GALNT13: variants seen among roughly 807,000 people sequenced by gnomAD.
GALNT13 encodes UDP-GalNAc:polypeptide N-acetylgalactosaminyltransferase 13.
A neutral mutation model predicts 64.2 loss-of-function variants in GALNT13; 28 were observed. The observed-to-expected ratio is 0.44, with a 90% CI of 0.32 to 0.60. The LOEUF (loss-of-function observed/expected upper bound fraction) is 0.60, where lower values mean the gene tolerates loss of function less well. Among genes scored for constraint, GALNT13 ranks in the 20% least tolerant of loss-of-function variants. The probability of loss-of-function intolerance (pLI) is 0.05; values close to 1 mark genes in which losing one functional copy is unlikely to be tolerated. For synonymous variants in GALNT13, 214 were observed against 224.6 expected (o/e 0.95, Z 0.42); for missense variants, 577 against 669.8 (o/e 0.86, Z 1.53).
rs547992646 is a variant in GALNT13, at chr2:154,066,841, G to A, written c.143-73496G>A. Among the ~76,000 whole-genome samples the A allele has an allele frequency of 8.6e-5, 13 of 151,946 alleles. No individual in the cohort carries two copies. In the East Asian group the frequency reaches 2.5e-3, roughly 29 times the overall value. On this transcript the variant is annotated intron_variant, in intron 3 of 12. Coordinates refer to ENST00000392825, the MANE Select transcript of GALNT13 (RefSeq NM_052917.4). Reference sequence around the variant, plus strand: ...AGCACACAGAAAAACACAGACTATTGTAACACTTTAATTGTGGTATATCAA... The same window carrying A: ...AGCACACAGAAAAACACAGACTATTATAACACTTTAATTGTGGTATATCAA...
At chr2:154,013,870 G>C (rs554973422) in intron 3 of GALNT13, among the ~76,000 whole-genome samples, 6 of 152,168 alleles carry the variant, frequency 3.9e-5, no homozygotes, top group Non-Finnish European at 8.8e-5. Context: ...GTGAGAAGAG[G>C]CTGTGGGTGG....
At chr2:154,369,644 G>A (rs1459921846) in intron 9 of GALNT13, among the ~76,000 whole-genome samples, 1 of 152,110 alleles carries the variant, frequency 6.6e-6, no homozygotes, top group East Asian at 1.9e-4. Flanking sequence ...TCCTCTTAAA[G>A]TGCCACAGTA....
At chr2:154,091,157 G>T (rs1453134507) in intron 3 of GALNT13, among the ~76,000 whole-genome samples, 1 of 151,918 alleles carries the variant, frequency 6.6e-6, no homozygotes, top group Non-Finnish European at 1.5e-5. Context: ...TTTGATGAAG[G>T]CTCTTACAAT....
At chr2:153,731,165 A>G in the GALNT13 span, among the ~76,000 whole-genome samples, 2 of 151,198 alleles carry the variant, frequency 1.3e-5, no homozygotes, top group Non-Finnish European at 2.9e-5. Context: ...TATGTGATGT[A>G]TTATATAAAA....
chr2:153,785,044 T>C, the GALNT13 span, among the ~76,000 whole-genome samples: 6 of 151,996 alleles, frequency 3.9e-5, no homozygotes, highest in African/African-American at 1.4e-4. Flanking sequence ...ACAACCACCC[T>C]CATCAATTTT....
In GALNT13 at chr2:154,301,397, TC is replaced by T. The variant is rs1428368452; in HGVS notation, c.976-10del. On this transcript the variant is annotated splice_polypyrimidine_tract_variant and intron_variant, in intron 8 of 12. Coordinates refer to ENST00000392825, the MANE Select transcript of GALNT13 (RefSeq NM_052917.4). ...TTATTGCATTATTTACAATGATTGT[TC>T]CTTTTCCCAGATTTGGCAATGTGGA... 1 of 1,607,380 alleles carries T rather than the reference TC, an allele frequency of 6.2e-7. No individual in the cohort carries two copies. Among genetic ancestry groups the T allele is most frequent in the Non-Finnish European group, 8.5e-7 (1 of 1,174,912 alleles).
At chr2:153,094,418 C>T in the GALNT13 span, among the ~76,000 whole-genome samples, 1 of 152,160 alleles carries the variant, frequency 6.6e-6, no homozygotes, top group African/African-American at 2.4e-5. Flanking sequence ...ACATTCCATG[C>T]TCATGGATAG....
the GALNT13 span, among the ~76,000 whole-genome samples, chr2:153,854,911 A>C: frequency 6.6e-6 from 1 of 152,200 alleles, no homozygotes; most frequent in East Asian, 1.9e-4. Context: ...AAACATTATC[A>C]TTCTACATTA....
the GALNT13 span, among the ~76,000 whole-genome samples, chr2:153,291,314 T>A: frequency 6.6e-6 from 1 of 152,204 alleles, no homozygotes; most frequent in South Asian, 2.1e-4. Flanking sequence ...AGTAGAGCAA[T>A]GTTCATATAA....
chr2:154,180,987 G>C (rs1028234793), intron 4 of GALNT13, among the ~76,000 whole-genome samples: 1 of 152,116 alleles, frequency 6.6e-6, no homozygotes, highest in South Asian at 2.1e-4. Flanking sequence ...CACAGCCACC[G>C]GTGAGTGGTA....
chr2:154,430,611 G>A (rs966636948), intron 11 of GALNT13, among the ~76,000 whole-genome samples: 2 of 152,134 alleles, frequency 1.3e-5, no homozygotes, highest in Non-Finnish European at 2.9e-5. Context: ...AACTCAAGTC[G>A]ATAAAGCAGT....
At chr2:153,935,813 A>G (rs748896669) in intron 2 of GALNT13, among the ~76,000 whole-genome samples, 44 of 151,984 alleles carry the variant, frequency 2.9e-4, no homozygotes, top group Non-Finnish European at 1.6e-4. Flanking sequence ...GCATTAATTA[A>G]CCCATCCTCT....
At position 154,248,998 on chromosome 2, in the gene GALNT13, G is replaced by A. The variant is rs16836348; in HGVS notation, c.857+3016G>A. Among the ~76,000 whole-genome samples the A allele has an allele frequency of 7.5e-3, 1,143 of 152,170 alleles. 19 individuals are homozygous for A. The highest frequency in any genetic ancestry group is 0.025 in the African/African-American group (1,042 of 41,530). On this transcript the variant is annotated intron_variant, in intron 7 of 12. Coordinates refer to ENST00000392825, the MANE Select transcript of GALNT13 (RefSeq NM_052917.4). ...AGGCTACTGCCTGGGAAATGGCTGA[G>A]TTTGAAACTCATCAAGCATATCACC...
At chr2:153,657,088 G>C in the GALNT13 span, among the ~76,000 whole-genome samples, 1 of 152,130 alleles carries the variant, frequency 6.6e-6, no homozygotes, top group Admixed American at 6.6e-5. Flanking sequence ...GTGAGCATCA[G>C]ATCTCTATGA....
chr2:153,088,262 A>G, the GALNT13 span, among the ~76,000 whole-genome samples: 1 of 152,048 alleles, frequency 6.6e-6, no homozygotes, highest in Admixed American at 6.6e-5. Context: ...TTTTATGTAT[A>G]TGTATAGTTT....
chr2:154,314,035 A>G (rs1283755831), intron 9 of GALNT13, among the ~76,000 whole-genome samples: 1 of 152,192 alleles, frequency 6.6e-6, no homozygotes, highest in Non-Finnish European at 1.5e-5. Flanking sequence ...CAAATGATCA[A>G]GAACACTTAT....
the GALNT13 span, among the ~76,000 whole-genome samples, chr2:153,149,804 T>G: frequency 6.6e-6 from 1 of 151,994 alleles, no homozygotes; most frequent in East Asian, 1.9e-4. Context: ...ATGTTTTGTT[T>G]TCATACACAA....
At chr2:153,398,532 T>G in the GALNT13 span, among the ~76,000 whole-genome samples, 1 of 151,744 alleles carries the variant, frequency 6.6e-6, no homozygotes, top group Non-Finnish European at 1.5e-5. Flanking sequence ...AGTTTACAGT[T>G]CCACCAACAG....
At chr2:154,314,336 G>C (rs906893426) in intron 9 of GALNT13, among the ~76,000 whole-genome samples, 16 of 152,044 alleles carry the variant, frequency 1.1e-4, no homozygotes, top group African/African-American at 3.6e-4. Context: ...AATGTTATTG[G>C]TGTAGGTGGT....
Sources: gnomAD v4.1 joint callset for allele counts (sites outside exome capture counted in the v4.1 genomes callset) on GRCh38, gnomAD v4.1.1 for gene constraint, MANE v1.5 for transcripts, NCBI Gene and HGNC (gene_info 2026-07-23, HGNC 2026-07-21) for gene names.